RP1: variants seen among roughly 807,000 people sequenced by gnomAD.
The protein encoded by RP1 is RP1 axonemal microtubule associated.
Under a neutral mutation model 14.8 loss-of-function variants are expected in RP1, and 16 were observed. That is an observed-to-expected ratio of 1.08 (90% confidence interval 0.73 to 1.65). The LOEUF (loss-of-function observed/expected upper bound fraction) is 1.65. Among genes scored for constraint, RP1 ranks in the 40% most tolerant of loss-of-function variants. The pLI, the probability that RP1 is intolerant of heterozygous loss-of-function variation, is 0.00. For missense variants in RP1, 2,631 were observed against 2,535.0 expected, an observed-to-expected ratio of 1.04 and a Z score of -0.81; for synonymous variants, 876 against 883.6, an observed-to-expected ratio of 0.99 and a Z score of 0.15.
intron 11 of RP1, chr8:54,679,787 T>A: frequency 6.5e-7 from 1 of 1,534,482 alleles, no homozygotes. Context: ...TTTGTTTTGC[T>A]TTGTTTTTCT....
chr8:54,850,750 A>T (rs1812042248), intron 25 of RP1, among the ~76,000 whole-genome samples: 1 of 152,260 alleles, frequency 6.6e-6, no homozygotes, highest in African/African-American at 2.4e-5. Context: ...ATTTATTGTT[A>T]TGAATTTAGC....
intron 7 of RP1, among the ~76,000 whole-genome samples, chr8:54,668,280 T>C (rs1236664618): frequency 6.6e-6 from 1 of 152,108 alleles, no homozygotes; most frequent in African/African-American, 2.4e-5. Flanking sequence ...TCACAATTGC[T>C]ACAAAGAGAA....
intron 24 of RP1, among the ~76,000 whole-genome samples, chr8:54,823,975 C>G (rs1357598089): frequency 6.6e-6 from 1 of 152,072 alleles, no homozygotes; most frequent in Non-Finnish European, 1.5e-5. Flanking sequence ...TTTATTTTAG[C>G]TATCCTAATA....
intron 3 of RP1, 129 bp from the exon 4 acceptor site, chr8:54,624,541 C>T (rs1805972824): frequency 2.5e-6 from 2 of 811,436 alleles, no homozygotes; most frequent in Non-Finnish European, 4.0e-6. Flanking sequence ...AAATATGCTA[C>T]TTTTCATACT....
chr8:54,759,074 A>G (rs1169320211), exon 22 of RP1: 1 of 1,532,232 alleles, frequency 6.5e-7, no homozygotes, highest in African/African-American at 1.4e-5. Context: ...TTACCTGTCA[A>G]AGGTAATGCT....
intron 24 of RP1, among the ~76,000 whole-genome samples, chr8:54,814,176 T>C (rs1460368014): frequency 6.6e-5 from 10 of 152,190 alleles, no homozygotes; most frequent in African/African-American, 2.4e-4. Flanking sequence ...TGGTTTTGGA[T>C]GTAAGATTTG....
At position 54,699,439 on chromosome 8, in the gene RP1, T is replaced by C; in HGVS notation, c.1718-28T>C. ...AAAAAGTTTTAAAAGCCAAACTTGC[T>C]TTCTAATACTTTAAAAATGTTTTCC... On this transcript the variant is annotated intron_variant, in intron 12 of 22. Transcript: ENST00000636932. The C allele has an allele frequency of 4.9e-6, 6 of 1,212,474 alleles. No homozygotes were observed. The South Asian group carries it at 7.3e-5, about 15-fold the overall frequency. 75.1% of individuals were successfully genotyped at this position (1,212,474 alleles called of 1,614,324 possible). A position where few individuals can be genotyped will look rare whatever the true frequency, so the allele number is the denominator to read the frequency against.
intron 1 of RP1, among the ~76,000 whole-genome samples, chr8:54,559,654 A>C (rs1037671172): frequency 1.1e-4 from 17 of 152,138 alleles, no homozygotes; most frequent in African/African-American, 3.4e-4. Flanking sequence ...CATGTATACG[A>C]CTTGTGATTT....
chr8:54,625,840 G>A lies in RP1; in HGVS notation c.1958G>A (p.Gly653Asp), dbSNP rs1195531660. The A allele has an allele frequency of 1.2e-6, 2 of 1,613,288 alleles. No individual in the cohort carries two copies. The highest frequency in any genetic ancestry group is 1.3e-5 in the African/African-American group (1 of 74,894). Reference sequence around the variant, plus strand: ...CTAATTAATGAATTTGCTCAGTGTGGTTTAACAAAACTTCCAAAAAATGAA... The same window carrying A: ...CTAATTAATGAATTTGCTCAGTGTGATTTAACAAAACTTCCAAAAAATGAA... ...DRLINEFAQC[G>D]LTKLPKNEKK... is the part of the protein sequence containing the mutation. Residue 653 changes from glycine (G) to aspartate (D), a missense_variant, in exon 4 of 4, where the codon GGT (glycine) becomes GAT (aspartate). Gly to Asp is a moderately conservative substitution (Grantham distance 94). Transcript: ENST00000220676.
chr8:54,835,899 C>T (rs1029874184), intron 24 of RP1, among the ~76,000 whole-genome samples: 2 of 152,100 alleles, frequency 1.3e-5, no homozygotes, highest in African/African-American at 4.8e-5. Flanking sequence ...TTTTAGGAGT[C>T]CTGTACTTAT....
chr8:54,831,059 A>G (rs1240569547), intron 24 of RP1, among the ~76,000 whole-genome samples: 2 of 152,062 alleles, frequency 1.3e-5, no homozygotes, highest in African/African-American at 2.4e-5. Flanking sequence ...TGGCTGAATA[A>G]TATTCCTTTG....
intron 1 of RP1, among the ~76,000 whole-genome samples, chr8:54,566,159 G>T (rs1163197890): frequency 6.6e-6 from 1 of 152,200 alleles, no homozygotes; most frequent in Admixed American, 6.5e-5. Flanking sequence ...ACATTCTGAG[G>T]AGCTGAGGGT....
intron 27 of RP1, among the ~76,000 whole-genome samples, chr8:54,863,421 C>A (rs1812395051): frequency 6.6e-6 from 1 of 152,152 alleles, no homozygotes; most frequent in Admixed American, 6.5e-5. Context: ...CTAATGACGC[C>A]TTTCTCAGAA....
At chr8:54,748,840 A>G (rs1333336927) in intron 19 of RP1, among the ~76,000 whole-genome samples, 4 of 152,110 alleles carry the variant, frequency 2.6e-5, no homozygotes. Flanking sequence ...TGAGAGTAGA[A>G]GTATTTTTTT....
intron 12 of RP1, among the ~76,000 whole-genome samples, chr8:54,693,104 G>A (rs1210386951): frequency 6.6e-6 from 1 of 151,998 alleles, no homozygotes; most frequent in African/African-American, 2.4e-5. Context: ...TTTTTGTCAG[G>A]TTTGTCAAAG....
At position 54,630,397 on chromosome 8, in the gene RP1, C is replaced by T. The variant is rs563741192; in HGVS notation, c.*44C>T. ...CATTCTTTGTCAATTCATTTTTTCC[C>T]ATGAGATGAAGCACATGTGACGAAT... is the stretch of plus-strand genomic sequence containing the variant. On this transcript the variant is annotated 3_prime_UTR_variant, in exon 4 of 4. Coordinates refer to ENST00000220676, the MANE Select transcript of RP1 (RefSeq NM_006269.2). 7.3e-5 allele frequency: 117 copies of T among 1,608,362 alleles called. No homozygotes were observed. The African/African-American group carries it at 1.2e-3, about 16-fold the overall frequency.
At chr8:54,855,859 G>A (rs955810646) in intron 26 of RP1, among the ~76,000 whole-genome samples, 7 of 151,878 alleles carry the variant, frequency 4.6e-5, no homozygotes, top group Non-Finnish European at 7.4e-5. Flanking sequence ...CACCTGTGGA[G>A]CACTTTGAAC....
At chr8:54,595,713 T>G (rs1805128597) in intron 1 of RP1, among the ~76,000 whole-genome samples, 1 of 152,244 alleles carries the variant, frequency 6.6e-6, no homozygotes, top group Non-Finnish European at 1.5e-5. Flanking sequence ...GCTTTATTGT[T>G]TTAAATAATT....
At chr8:54,776,095 C>T (rs1810031644) in intron 23 of RP1, among the ~76,000 whole-genome samples, 1 of 152,084 alleles carries the variant, frequency 6.6e-6, no homozygotes, top group African/African-American at 2.4e-5. Context: ...ATTTATACAG[C>T]ATTTATACTG....
Sources: allele counts gnomAD v4.1 joint callset (sites outside exome capture counted in the v4.1 genomes callset), GRCh38; gene constraint gnomAD v4.1.1; transcripts MANE v1.5; gene names NCBI Gene and HGNC (gene_info 2026-07-23, HGNC 2026-07-21).